The following NRDE2 variants were observed in gnomAD, a reference collection of about 807,000 sequenced individuals.
The protein encoded by NRDE2 is NRDE-2, necessary for RNA interference, domain containing, also known as nuclear exosome regulator NRDE2.
Under a neutral mutation model 124.2 loss-of-function variants are expected in NRDE2, and 76 were observed. That is an observed-to-expected ratio of 0.61 (90% confidence interval 0.51 to 0.74). NRDE2 has a LOEUF of 0.74. Ranked by LOEUF, NRDE2 falls within the 30% of genes least tolerant of loss-of-function variation. The probability of loss-of-function intolerance (pLI) is 0.00; values close to 1 mark genes in which losing one functional copy is unlikely to be tolerated. For missense variants in NRDE2, 1,314 were observed against 1,417.3 expected (o/e 0.93, Z 1.17); for synonymous variants, 489 against 528.1 (o/e 0.93, Z 1.01).
In NRDE2 at chr14:90,292,722, TC is replaced by T; in HGVS notation, c.1816del (p.Glu606LysfsTer19). ...CTGTCTCTCGGGATCCTCACAGTCT[TC>T]CTCGGTTTGCTTCTTGGTCTTATCA... The part of the protein sequence containing the change: ...RPDKTKKQTE[E>X]DCEDPERQVL... On this transcript the variant is annotated frameshift_variant, in exon 9 of 14. Transcript: ENST00000354366. LOFTEE classifies it high-confidence loss of function. The T allele has an allele frequency of 6.2e-7, 1 of 1,614,136 alleles. No homozygotes were observed. Among genetic ancestry groups the T allele is most frequent in the Non-Finnish European group, 8.5e-7 (1 of 1,179,982 alleles).
chr14:90,318,041 G>A lies in NRDE2; in HGVS notation c.137C>T (p.Ala46Val), dbSNP rs1200834997. The A allele has an allele frequency of 6.2e-7, 1 of 1,614,030 alleles. No individual in the cohort carries two copies. Among genetic ancestry groups the A allele is most frequent in the Non-Finnish European group, 8.5e-7 (1 of 1,180,016 alleles). The change falls in exon 2 of 14, where the codon GCT becomes GTT. Residue 46 changes from alanine (A) to valine (V), a missense_variant. Coordinates refer to ENST00000354366, the MANE Select transcript of NRDE2 (RefSeq NM_017970.4). ...ITSLSQQTEA[A>V]PAHVSEGLPL... Reference sequence around the variant, plus strand: ...TAACCCTTCAGAAACATGGGCTGGAGCTGCTTCAGTTTGTTGGCTCAGGGA... The same window carrying A: ...TAACCCTTCAGAAACATGGGCTGGAACTGCTTCAGTTTGTTGGCTCAGGGA...
chr14:90,278,939 G>C, intron 13 of NRDE2, 123 bp downstream of exon 13: 1 of 736,616 alleles, frequency 1.4e-6, no homozygotes, highest in South Asian at 1.6e-5. Flanking sequence ...CTTGGGACAG[G>C]GTATGGCGTC....
rs1566677946 is a variant in NRDE2 at position 90,274,786 on chromosome 14, C to CCACACACA, written c.*3549_*3550insTGTGTGTG. On this transcript the variant is annotated 3_prime_UTR_variant, in exon 14 of 14. Coordinates refer to ENST00000354366, the MANE Select transcript of NRDE2 (RefSeq NM_017970.4). ...ACAGTATAGCCCTTTAAATAGGGAACTACACACACACACACACACACACAC... is the reference window on the plus strand; with the variant it reads ...ACAGTATAGCCCTTTAAATAGGGAACCACACACATACACACACACACACACACACACAC... 16 of 81,562 alleles carry CCACACACA rather than the reference C, an allele frequency of 2.0e-4. No homozygotes were observed. The highest frequency in any genetic ancestry group is 7.9e-4 in the African/African-American group (16 of 20,208). 5.1% of individuals were successfully genotyped at this position (81,562 alleles called of 1,614,324 possible).
Position 90,270,521 on chromosome 14 carries a change from G to C in NRDE2, c.*7815C>G, listed in dbSNP as rs1891633937. On this transcript the variant is annotated 3_prime_UTR_variant, in exon 14 of 14. Transcript: ENST00000354366. ...AATGGTATATGTGCTTGATATTGAA[G>C]TCATTCTTAATGCATCATTTTATGC... 1.1e-5 allele frequency: 8 copies of C among 736,376 alleles called. No homozygotes were observed. In the East Asian group the frequency reaches 2.0e-4, roughly 19 times the overall value. The allele number at this position is 736,376 out of a possible 1,614,324, so 45.6% of individuals were successfully genotyped here.
intron 1 of NRDE2, among the ~76,000 whole-genome samples, chr14:90,330,098 T>C (rs1469551253): frequency 6.6e-6 from 1 of 151,286 alleles, no homozygotes; most frequent in African/African-American, 2.4e-5. Context: ...TCCCAGCTAC[T>C]CGGGAGGCTG....
Position 90,289,074 on chromosome 14 carries a change from G to A in NRDE2, c.2301C>T (p.Ala767=), listed in dbSNP as rs371115580. 5.0e-6 allele frequency: 8 copies of A among 1,613,842 alleles called. No homozygotes were observed. The South Asian group carries it at 5.5e-5, about 11-fold the overall frequency. The change falls in exon 11 of 14, where the codon GCC becomes GCT. Residue 767 remains alanine, a synonymous_variant. Coordinates refer to ENST00000354366, the MANE Select transcript of NRDE2 (RefSeq NM_017970.4). ...TTTCTGGCTCCTTAAGGAGATTCTT[G>A]GCTAGTTTTTTGCAGTTCTTCCCTT... ...KSQGKNCKKL[A]KNLLKEPENC...
At chr14:90,323,580 G>A (rs1381642600) in intron 1 of NRDE2, among the ~76,000 whole-genome samples, 1 of 152,292 alleles carries the variant, frequency 6.6e-6, no homozygotes, top group East Asian at 1.9e-4. Context: ...AAATGAGTAA[G>A]TCTAACAAAG....
intron 4 of NRDE2, among the ~76,000 whole-genome samples, chr14:90,305,154 A>AT (rs1226702180): frequency 6.6e-6 from 1 of 152,144 alleles, no homozygotes; most frequent in Non-Finnish European, 1.5e-5. Context: ...CAATAAGCAC[A>AT]TAAAAAAAAA....
In NRDE2 at chr14:90,268,462, T is replaced by G; in HGVS notation, c.*9874A>C. On this transcript the variant is annotated 3_prime_UTR_variant, in exon 14 of 14. Transcript: ENST00000354366. ...GCCTTGTTTAGTAGGGAACACCGCA[T>G]AGCTCTTCTCTTGAGAATGAGCAAT... 6.4e-7 allele frequency: 1 copy of G among 1,566,074 alleles called. No individual in the cohort carries two copies. Among genetic ancestry groups the G allele is most frequent in the Non-Finnish European group, 8.8e-7 (1 of 1,141,310 alleles).
chr14:90,276,913 C>G lies in NRDE2; in HGVS notation c.*1423G>C, dbSNP rs1331391772. ...ACATGTCTGGCTGATGTCTGCCCCA[C>G]GCAGAGGACAAGGGTGGAGAAGGTC... On this transcript the variant is annotated 3_prime_UTR_variant, in exon 14 of 14. Transcript: ENST00000354366. 1 of 152,352 alleles carries G rather than the reference C, an allele frequency of 6.6e-6. No homozygotes were observed. Among genetic ancestry groups the G allele is most frequent in the Admixed American group, 6.5e-5 (1 of 15,274 alleles). The allele number at this position is 152,352 out of a possible 1,614,324, so 9.4% of individuals were successfully genotyped here.
chr14:90,272,149 C>A lies in NRDE2; in HGVS notation c.*6187G>T. 9.4e-7 allele frequency: 1 copy of A among 1,061,808 alleles called. No homozygotes were observed. The highest frequency in any genetic ancestry group is 1.3e-6 in the Non-Finnish European group (1 of 741,282). 65.8% of individuals were successfully genotyped at this position (1,061,808 alleles called of 1,614,324 possible). ...CCTTAGGCGATCCACCTGCCTCGGCCTCCCAGAGTGCTGGGATTACAGGTG... is the reference window on the plus strand; with the variant it reads ...CCTTAGGCGATCCACCTGCCTCGGCATCCCAGAGTGCTGGGATTACAGGTG... On this transcript the variant is annotated 3_prime_UTR_variant, in exon 14 of 14. Transcript: ENST00000354366. The surrounding 1 kb of genome is among the most constrained non-coding windows in gnomAD (Gnocchi z 4.5).
At position 90,304,094 on chromosome 14, in the gene NRDE2, C is replaced by T. The variant is rs1566693313; in HGVS notation, c.846G>A (p.Trp282Ter). The change falls in exon 5 of 14, where the codon TGG becomes TGA. Residue 282 changes from tryptophan to a stop codon, truncating the protein, a stop_gained. Coordinates refer to ENST00000354366, the MANE Select transcript of NRDE2 (RefSeq NM_017970.4). LOFTEE classifies it high-confidence loss of function. ...LGIYDQSTTH[W>*]LQGQGPPEQE... is the part of the protein sequence containing the mutation. Reference sequence around the variant, plus strand: ...GCTCTGGAGGACCCTGTCCTTGTAGCCAATGTGTGGTTGACTGATCATAAA... The same window carrying T: ...GCTCTGGAGGACCCTGTCCTTGTAGTCAATGTGTGGTTGACTGATCATAAA... The T allele has an allele frequency of 3.7e-6, 6 of 1,614,040 alleles. No homozygotes were observed. Among genetic ancestry groups the T allele is most frequent in the Non-Finnish European group, 5.1e-6 (6 of 1,180,046 alleles).
chr14:90,279,302 C>T, intron 12 of NRDE2, 169 bp from the exon 13 acceptor site: 1 of 608,526 alleles, frequency 1.6e-6, no homozygotes, highest in Admixed American at 2.9e-5. Context: ...TGCCAGGGAG[C>T]ACTCTCAGAA....
chr14:90,326,500 C>CA (rs10684490), intron 1 of NRDE2, among the ~76,000 whole-genome samples: 29,848 of 78,374 alleles, frequency 0.38, 4,325 homozygotes, highest in South Asian at 0.43. Flanking sequence ...GACTCTGTCT[C>CA]AAAAAAAAAA....
At chr14:90,320,933 C>CT (rs1885218682) in intron 1 of NRDE2, among the ~76,000 whole-genome samples, 1 of 152,208 alleles carries the variant, frequency 6.6e-6, no homozygotes, top group Admixed American at 6.5e-5. Context: ...ACCTTCTACT[C>CT]TCTTTTTCCT....
intron 3 of NRDE2, 127 bp from the exon 4 acceptor site, chr14:90,312,670 C>T (rs1884889430): frequency 1.2e-6 from 1 of 847,812 alleles, no homozygotes; most frequent in South Asian, 1.5e-5. Context: ...CACACCTAAG[C>T]ACATTAAATG....
chr14:90,295,606 G>A (rs1435364491), intron 8 of NRDE2, among the ~76,000 whole-genome samples: 1 of 152,168 alleles, frequency 6.6e-6, no homozygotes, highest in East Asian at 1.9e-4. Context: ...ACACATTCAT[G>A]TATAACAACT....
rs1426148684 is a variant in NRDE2, at chr14:90,312,458, T to C, written c.493A>G (p.Thr165Ala). 1 of 1,614,034 alleles carries C rather than the reference T, an allele frequency of 6.2e-7. No individual in the cohort carries two copies. Among genetic ancestry groups the C allele is most frequent in the African/African-American group, 1.3e-5 (1 of 74,934 alleles). ...IQAVTGETFRTDKKPDPANWE... is the reference protein window; with the variant it reads ...IQAVTGETFRADKKPDPANWE... The stretch of plus-strand genomic sequence containing the variant: ...TTCGCAGGATCTGGTTTCTTATCTG[T>C]TCTGAAGGTTTCTCCCGTCACAGCC... The change falls in exon 4 of 14, where the codon ACA (threonine) becomes GCA (alanine). Residue 165 changes from threonine (T) to alanine (A), a missense_variant. Physicochemically the swap from Thr to Ala is moderately conservative, Grantham distance 58 (BLOSUM62 0). Coordinates refer to ENST00000354366, the MANE Select transcript of NRDE2 (RefSeq NM_017970.4).
chr14:90,313,119 A>ATTTTTTTTTTTT (rs1207268681), intron 3 of NRDE2, among the ~76,000 whole-genome samples: 1 of 102,264 alleles, frequency 9.8e-6, no homozygotes, highest in Non-Finnish European at 1.9e-5. Context: ...TCTCAGCCTC[A>ATTTTTTTTTTTT]TTTTTTTTTT....
Sources: allele counts gnomAD v4.1 joint callset (sites outside exome capture counted in the v4.1 genomes callset), GRCh38; gene constraint gnomAD v4.1.1; non-coding constraint Gnocchi (gnomAD v3.1); transcripts MANE v1.5; gene names NCBI Gene and HGNC (gene_info 2026-07-23, HGNC 2026-07-21).